Variants in RABL3 observed in about 807,000 individuals in gnomAD.
RABL3 encodes the protein rab-like protein 3.
In RABL3, 31 loss-of-function variants were observed where a neutral mutation model predicts 31.8. The ratio of observed to expected loss-of-function variants is 0.97; its 90% CI spans 0.73 to 1.31. The LOEUF (loss-of-function observed/expected upper bound fraction) is 1.31. RABL3 is among the 40% of genes most tolerant of loss of function. RABL3 has a pLI of 0.00. For synonymous variants in RABL3, 97 were observed against 99.9 expected, an observed-to-expected ratio of 0.97 and a Z score of 0.18; for missense variants, 263 against 279.6, an observed-to-expected ratio of 0.94 and a Z score of 0.42.
In RABL3 at chr3:120,687,084, C is replaced by G. The variant is rs185264742; in HGVS notation, c.*2739G>C. The G allele has an allele frequency of 1.3e-5, 2 of 152,078 alleles. No individual in the cohort carries two copies. Among genetic ancestry groups the G allele is most frequent in the Admixed American group, 6.6e-5 (1 of 15,266 alleles). The allele number at this position is 152,078 out of a possible 1,614,324, so 9.4% of individuals were successfully genotyped here. On this transcript the variant is annotated 3_prime_UTR_variant, in exon 8 of 8. Transcript: ENST00000273375. ...GGTTATGTGTCCTGAATCCCATCAA[C>G]GTTAAGATGGAGAGACCAGCCCAAA...
chr3:120,742,399 A>G, intron 1 of RABL3, 63 bp downstream of exon 1: 1 of 1,498,214 alleles, frequency 6.7e-7, no homozygotes, highest in Middle Eastern at 1.7e-4. Context: ...AAGGAAGCTA[A>G]GGGGAGGGTT....
intron 4 of RABL3, among the ~76,000 whole-genome samples, chr3:120,705,559 A>T (rs1294692949): frequency 6.6e-6 from 1 of 152,224 alleles, no homozygotes; most frequent in Admixed American, 6.5e-5. Flanking sequence ...CTTTTCAATA[A>T]ATGGTGCTGG....
intron 6 of RABL3, among the ~76,000 whole-genome samples, chr3:120,690,929 T>A (rs1380430579): frequency 6.6e-6 from 1 of 152,112 alleles, no homozygotes; most frequent in African/African-American, 2.4e-5. Flanking sequence ...AACCACCACA[T>A]CCCTATAGTA....
chr3:120,714,817 T>C (rs900326618), intron 2 of RABL3, among the ~76,000 whole-genome samples: 2 of 152,214 alleles, frequency 1.3e-5, no homozygotes, highest in African/African-American at 4.8e-5. Context: ...TTGGCTATCC[T>C]CTTATTTCTT....
intron 2 of RABL3, among the ~76,000 whole-genome samples, chr3:120,727,944 A>G (rs1708841476): frequency 6.6e-6 from 1 of 152,202 alleles, no homozygotes; most frequent in South Asian, 2.1e-4. Context: ...ATCTAATCAA[A>G]TATACCCATA....
intron 1 of RABL3, among the ~76,000 whole-genome samples, chr3:120,740,842 T>C (rs1709032586): frequency 6.6e-6 from 1 of 152,232 alleles, no homozygotes; most frequent in South Asian, 2.1e-4. Flanking sequence ...CTGTGTCTTC[T>C]GCTTTACAAC....
At chr3:120,733,769 C>A (rs894989021) in intron 1 of RABL3, among the ~76,000 whole-genome samples, 11 of 152,132 alleles carry the variant, frequency 7.2e-5, no homozygotes, top group African/African-American at 9.7e-5. Context: ...CAGCTTTCTA[C>A]ATATGGCTAG....
At chr3:120,704,913 C>A (rs1395376229) in intron 4 of RABL3, among the ~76,000 whole-genome samples, 3 of 152,102 alleles carry the variant, frequency 2.0e-5, no homozygotes. Flanking sequence ...GGTATCCCAG[C>A]TACTTGGGAG....
At chr3:120,713,451 T>C (rs924375550) in intron 2 of RABL3, among the ~76,000 whole-genome samples, 5 of 152,242 alleles carry the variant, frequency 3.3e-5, no homozygotes, top group African/African-American at 9.6e-5. Flanking sequence ...CTTGACATTA[T>C]AACAAGTATT....
chr3:120,739,378 G>T (rs1231070172), intron 1 of RABL3, among the ~76,000 whole-genome samples: 2 of 152,042 alleles, frequency 1.3e-5, no homozygotes, highest in African/African-American at 4.8e-5. Context: ...ATCCGTCTCG[G>T]TGGTGGCGGG....
chr3:120,739,086 A>G (rs1280430383), intron 1 of RABL3, among the ~76,000 whole-genome samples: 1 of 152,228 alleles, frequency 6.6e-6, no homozygotes, highest in Non-Finnish European at 1.5e-5. Context: ...AAGGAATAAA[A>G]GTGACATCTT....
At chr3:120,732,834 T>A (rs1310897014) in intron 1 of RABL3, among the ~76,000 whole-genome samples, 1 of 152,014 alleles carries the variant, frequency 6.6e-6, no homozygotes, top group Non-Finnish European at 1.5e-5. Context: ...GTCCTTGCGA[T>A]AGTTTGCTCA....
Position 120,689,573 on chromosome 3 carries a change from C to T in RABL3, c.*250G>A. The stretch of plus-strand genomic sequence containing the variant: ...ATTTACTGCATCATTTTGACAACAT[C>T]TCATATTTACACAAGGCTTTTACAT... On this transcript the variant is annotated 3_prime_UTR_variant, in exon 8 of 8. Transcript: ENST00000273375. 1 of 353,214 alleles carries T rather than the reference C, an allele frequency of 2.8e-6. No homozygotes were observed. Among genetic ancestry groups the T allele is most frequent in the Non-Finnish European group, 5.2e-6 (1 of 193,798 alleles). 21.9% of individuals were successfully genotyped at this position (353,214 alleles called of 1,614,324 possible).
intron 4 of RABL3, among the ~76,000 whole-genome samples, 195 bp downstream of exon 4, chr3:120,705,805 T>C (rs1708541320): frequency 6.6e-6 from 1 of 152,146 alleles, no homozygotes; most frequent in Non-Finnish European, 1.5e-5. Flanking sequence ...GCACAATCCA[T>C]AGAAGAAAAG....
intron 3 of RABL3, among the ~76,000 whole-genome samples, chr3:120,708,065 T>G (rs1442467558): frequency 6.6e-6 from 1 of 152,110 alleles, no homozygotes; most frequent in African/African-American, 2.4e-5. Context: ...GAATATGGAC[T>G]GTGCATTTGG....
chr3:120,729,015 T>C (rs1708853449), intron 2 of RABL3, among the ~76,000 whole-genome samples: 1 of 152,096 alleles, frequency 6.6e-6, no homozygotes, highest in African/African-American at 2.4e-5. Context: ...AAGGCAAAAG[T>C]ATATGTGAGT....
chr3:120,737,511 C>A (rs1437991866), intron 1 of RABL3, among the ~76,000 whole-genome samples: 3 of 152,348 alleles, frequency 2.0e-5, no homozygotes, highest in Middle Eastern at 3.4e-3. Flanking sequence ...CTGAAGACTT[C>A]TTCTCTCAAC....
At chr3:120,740,509 G>A (rs73183711) in intron 1 of RABL3, among the ~76,000 whole-genome samples, 3,270 of 152,184 alleles carry the variant, frequency 0.021, 55 homozygotes, top group Middle Eastern at 0.058. Flanking sequence ...CAATCCACCC[G>A]CCTCAACCTC....
rs779345381 is a variant in RABL3, at chr3:120,685,767, GTTTA to G, written c.*4052_*4055del. On this transcript the variant is annotated 3_prime_UTR_variant, in exon 8 of 8. Transcript: ENST00000273375. ...ATCTATATTCCCTACTTTTTGATGAGTTTATTTGTCTTTCTTAAAGGCTAGATCC... is the reference window on the plus strand; with the variant it reads ...ATCTATATTCCCTACTTTTTGATGAGTTTGTCTTTCTTAAAGGCTAGATCC... 7.9e-5 allele frequency among the ~76,000 whole-genome samples: 12 copies of G among 152,244 alleles called. No individual in the cohort carries two copies. The highest frequency in any genetic ancestry group is 1.9e-4 in the East Asian group (1 of 5,184).
Sources: gnomAD v4.1 joint callset for allele counts (sites outside exome capture counted in the v4.1 genomes callset) on GRCh38, gnomAD v4.1.1 for gene constraint, MANE v1.5 for transcripts, NCBI Gene and HGNC (gene_info 2026-07-23, HGNC 2026-07-21) for gene names.